Variants in PCDHA8 observed in about 807,000 individuals in gnomAD.
PCDHA8 encodes the protein protocadherin alpha-8.
PCDHA8 carries 53 observed loss-of-function variants against 61.8 expected under a neutral mutation model. That is an observed-to-expected ratio of 0.86 (90% CI 0.69 to 1.08). The LOEUF (loss-of-function observed/expected upper bound fraction) is 1.08. PCDHA8 is among the 50% of genes least tolerant of loss of function. PCDHA8 has a pLI of 0.00. For synonymous variants in PCDHA8, 618 were observed against 556.6 expected, an observed-to-expected ratio of 1.11 and a Z score of -1.55; for missense variants, 1,293 against 1,245.0, an observed-to-expected ratio of 1.04 and a Z score of -0.58.
intron 1 of PCDHA8, among the ~76,000 whole-genome samples, chr5:140,969,759 T>C (rs576118722): frequency 1.3e-5 from 2 of 152,338 alleles, no homozygotes; most frequent in African/African-American, 4.8e-5. Flanking sequence ...CTTAAAAAGC[T>C]CTGAGGCCTC....
chr5:141,004,178 T>G (rs527276653), intron 3 of PCDHA8, among the ~76,000 whole-genome samples: 2 of 152,372 alleles, frequency 1.3e-5, no homozygotes, highest in South Asian at 2.1e-4. Flanking sequence ...CCAAGTGTCT[T>G]GAGTGCTCTT....
chr5:141,010,949 C>T lies in PCDHA8; in HGVS notation c.*1012C>T, dbSNP rs1554263219. The T allele has an allele frequency of 6.5e-6, 1 of 153,762 alleles. No individual in the cohort carries two copies. Among genetic ancestry groups the T allele is most frequent in the African/African-American group, 2.4e-5 (1 of 41,442 alleles). 9.5% of individuals were successfully genotyped at this position (153,762 alleles called of 1,614,324 possible). On this transcript the variant is annotated 3_prime_UTR_variant, in exon 4 of 4. Transcript: ENST00000531613. ...TTCAGTCTACAGCCATTTAAATGAT[C>T]ATTGCTGCTACAGAAGTGCTTTAAG...
chr5:141,000,381 CTCTCTCTCTCTCTCTATATA>C (rs2097908619), intron 3 of PCDHA8, among the ~76,000 whole-genome samples: 2 of 61,370 alleles, frequency 3.3e-5, no homozygotes, highest in African/African-American at 7.4e-5. Context: ...CTCTCTCTCT[CTCTCTCTCTCTCTCTATATA>C]TATATATATA....
chr5:140,847,700 CAG>C (rs1424975763), intron 1 of PCDHA8: 1 of 149,786 alleles, frequency 6.7e-6, no homozygotes, highest in Non-Finnish European at 1.5e-5. Context: ...TTTCTGGAAA[CAG>C]ATTGTATAAA....
chr5:140,907,167 T>C (rs1200819434), intron 1 of PCDHA8, among the ~76,000 whole-genome samples: 3 of 152,166 alleles, frequency 2.0e-5, no homozygotes, highest in Non-Finnish European at 4.4e-5. Context: ...ATATATTGGA[T>C]GCTGATTCAG....
rs2091506714 is a variant in PCDHA8, at chr5:140,937,376, G to C, written c.2395-41573G>C. Reference sequence around the variant, plus strand: ...TATTATTTTATCTTAATGTTTATGTGTGTGTATGTGTATATAGGGGTATTG... The same window carrying C: ...TATTATTTTATCTTAATGTTTATGTCTGTGTATGTGTATATAGGGGTATTG... On this transcript the variant is annotated intron_variant, in intron 1 of 3. Coordinates refer to ENST00000531613, the MANE Select transcript of PCDHA8 (RefSeq NM_018911.3). Among the ~76,000 whole-genome samples, 4 of 152,084 alleles carry C rather than the reference G, an allele frequency of 2.6e-5. No homozygotes were observed. In the South Asian group the frequency reaches 8.3e-4, roughly 32 times the overall value.
intron 1 of PCDHA8, chr5:140,884,356 C>T: frequency 6.2e-7 from 1 of 1,613,936 alleles, no homozygotes; most frequent in South Asian, 1.1e-5. Flanking sequence ...TGGTGGATGT[C>T]AATGTTTACT....
chr5:140,980,057 C>T (rs559895684), intron 2 of PCDHA8, among the ~76,000 whole-genome samples: 2 of 152,272 alleles, frequency 1.3e-5, no homozygotes, highest in East Asian at 3.9e-4. Context: ...GATTCAGAAG[C>T]AATCAGTGAA....
intron 1 of PCDHA8, among the ~76,000 whole-genome samples, chr5:140,885,158 T>C (rs1250241606): frequency 6.6e-6 from 1 of 152,198 alleles, no homozygotes; most frequent in African/African-American, 2.4e-5. Flanking sequence ...TGATTGTCTC[T>C]ACTTTTTTGT....
intron 3 of PCDHA8, among the ~76,000 whole-genome samples, chr5:140,992,478 A>T (rs2097514142): frequency 6.6e-6 from 1 of 152,210 alleles, no homozygotes; most frequent in African/African-American, 2.4e-5. Flanking sequence ...TAGATCACCC[A>T]GAGGCCAATC....
Position 140,942,913 on chromosome 5 carries a change from GA to G in PCDHA8, c.2395-36026del, listed in dbSNP as rs58669311. Among the ~76,000 whole-genome samples the G allele has an allele frequency of 2.0e-3, 305 of 148,960 alleles. 3 individuals carry two copies. The highest frequency in any genetic ancestry group is 6.9e-3 in the African/African-American group (281 of 40,624). ...ATTTATCTCTAAGAATAAGCGTGAA[GA>G]AAAAAAAAATTGAAAAAGAGTTTAA... On this transcript the variant is annotated intron_variant, in intron 1 of 3. Coordinates refer to ENST00000531613, the MANE Select transcript of PCDHA8 (RefSeq NM_018911.3).
chr5:141,006,405 C>A (rs782532612), intron 3 of PCDHA8, among the ~76,000 whole-genome samples: 1 of 151,798 alleles, frequency 6.6e-6, no homozygotes, highest in Non-Finnish European at 1.5e-5. Context: ...AGTAGAGACG[C>A]GGTTTCACTG....
chr5:140,954,433 T>C (rs1554221415), intron 1 of PCDHA8, among the ~76,000 whole-genome samples: 2 of 151,820 alleles, frequency 1.3e-5, no homozygotes, highest in African/African-American at 4.8e-5. Flanking sequence ...TCTCCATCTG[T>C]TGTTTCTGGA....
chr5:140,958,419 A>C (rs1275772647), intron 1 of PCDHA8, among the ~76,000 whole-genome samples: 1 of 152,196 alleles, frequency 6.6e-6, no homozygotes, highest in Non-Finnish European at 1.5e-5. Flanking sequence ...GCTTGGAAAG[A>C]AGCACTTTTT....
rs552289184 is a variant in PCDHA8, at chr5:140,942,884, T to C, written c.2395-36065T>C. 7.9e-5 allele frequency among the ~76,000 whole-genome samples: 12 copies of C among 152,178 alleles called. No individual in the cohort carries two copies. In the East Asian group the frequency reaches 2.3e-3, roughly 29 times the overall value. ...TGCTTTAGCATGACAACTTTTTTCC[T>C]AAAATTTATCTCTAAGAATAAGCGT... On this transcript the variant is annotated intron_variant, in intron 1 of 3. Transcript: ENST00000531613.
chr5:140,960,792 C>T (rs2095571018), intron 1 of PCDHA8, among the ~76,000 whole-genome samples: 1 of 151,986 alleles, frequency 6.6e-6, no homozygotes, highest in South Asian at 2.1e-4. Context: ...AACAAGGTTT[C>T]TATTAAAATA....
intron 3 of PCDHA8, among the ~76,000 whole-genome samples, chr5:140,988,254 T>G (rs910037234): frequency 6.6e-6 from 1 of 152,188 alleles, no homozygotes; most frequent in East Asian, 1.9e-4. Context: ...AGCTCCCGCC[T>G]GTGAGTATCC....
intron 1 of PCDHA8, chr5:140,877,110 C>A (rs1554169339): frequency 1.1e-5 from 18 of 1,613,500 alleles, no homozygotes; most frequent in Middle Eastern, 1.7e-4. Flanking sequence ...CGCCTCTGGG[C>A]AGCAACGTGA....
chr5:140,871,607 AT>A, intron 1 of PCDHA8: 1 of 1,438,710 alleles, frequency 7.0e-7, no homozygotes. Flanking sequence ...AGTGTTTTGA[AT>A]ATTGTTTTAG....
Sources: gnomAD v4.1 joint callset for allele counts (sites outside exome capture counted in the v4.1 genomes callset) on GRCh38, gnomAD v4.1.1 for gene constraint, MANE v1.5 for transcripts, NCBI Gene and HGNC (gene_info 2026-07-23, HGNC 2026-07-21) for gene names.